The following LIPA variants were observed in gnomAD, a reference collection of about 807,000 sequenced individuals.
LIPA encodes lysosomal acid lipase/cholesteryl ester hydrolase.
A neutral mutation model predicts 40.6 loss-of-function variants in LIPA; 26 were observed. The observed-to-expected ratio is 0.64, with a 90% CI of 0.47 to 0.89. The LOEUF (loss-of-function observed/expected upper bound fraction) is 0.89. LIPA is among the 40% of genes least tolerant of loss of function. LIPA has a pLI of 0.00. For missense variants in LIPA, 455 were observed against 479.6 expected (o/e 0.95, Z 0.48); for synonymous variants, 188 against 168.4 (o/e 1.12, Z -0.90).
At chr10:89,299,090 C>G (rs1461799417) in intron 1 of LIPA, among the ~76,000 whole-genome samples, 2 of 151,426 alleles carry the variant, frequency 1.3e-5, no homozygotes, top group Non-Finnish European at 2.9e-5. Context: ...AAACAATACA[C>G]AGAAATCGGA....
chr10:89,402,371 G>C, intron 2 of LIPA: 1 of 1,614,120 alleles, frequency 6.2e-7, no homozygotes, highest in Admixed American at 1.7e-5. Context: ...ACGATGAAAT[G>C]CCTGATTTAG....
At chr10:89,336,831 A>G (rs903826818) in intron 1 of LIPA, among the ~76,000 whole-genome samples, 6 of 152,188 alleles carry the variant, frequency 3.9e-5, no homozygotes, top group African/African-American at 1.4e-4. Context: ...GTTCTTTCCA[A>G]TCTTATGGTG....
intron 1 of LIPA, among the ~76,000 whole-genome samples, chr10:89,285,433 C>G (rs1843336194): frequency 6.6e-6 from 1 of 152,172 alleles, no homozygotes; most frequent in Admixed American, 6.5e-5. Flanking sequence ...ACTCAAAACT[C>G]CAGTGCTGGT....
chr10:89,233,177 C>T (rs1244780612), intron 3 of LIPA, among the ~76,000 whole-genome samples: 1 of 152,166 alleles, frequency 6.6e-6, no homozygotes, highest in Non-Finnish European at 1.5e-5. Flanking sequence ...AAGCTGAATA[C>T]AAAAGCTCAA....
rs569189256 is a variant in LIPA, at chr10:89,335,377, T to C, written c.-2+7234A>G. The C allele has an allele frequency of 1.2e-4, 18 of 152,196 alleles. No homozygotes were observed. The South Asian group carries it at 3.5e-3, about 30-fold the overall frequency. 9.4% of individuals were successfully genotyped at this position (152,196 alleles called of 1,614,324 possible). On this transcript the variant is annotated intron_variant, in intron 1 of 5. Coordinates refer to the LIPA transcript ENST00000282673. ...CAAGTCCAGAAATGTTCAGTGTGCT[T>C]TTCTGCTTGTCCAACACTTTCTTGA...
intron 1 of LIPA, among the ~76,000 whole-genome samples, chr10:89,303,723 C>G (rs1843460367): frequency 6.6e-6 from 1 of 152,210 alleles, no homozygotes; most frequent in Non-Finnish European, 1.5e-5. Context: ...TATTTACTCT[C>G]TCTGTTTCTT....
intron 2 of LIPA, among the ~76,000 whole-genome samples, chr10:89,394,607 TATATATATATATATATATATAA>T (rs1460448076): frequency 0.21 from 6,388 of 30,222 alleles, 475 homozygotes; most frequent in East Asian, 0.41. Flanking sequence ...TATATATATA[TATATATATATATATATATATAA>T]AACTTGAATT....
chr10:89,323,309 C>T (rs1476168418), intron 1 of LIPA, among the ~76,000 whole-genome samples: 3 of 152,218 alleles, frequency 2.0e-5, no homozygotes, highest in African/African-American at 7.2e-5. Context: ...TAAGAGCCAT[C>T]TATGATAAAC....
intron 2 of LIPA, among the ~76,000 whole-genome samples, chr10:89,368,296 A>C (rs1844072753): frequency 6.6e-6 from 1 of 152,216 alleles, no homozygotes; most frequent in African/African-American, 2.4e-5. Flanking sequence ...CTCTGGCTAC[A>C]CTTCTATGTA....
At chr10:89,391,946 T>G (rs1244804830) in intron 2 of LIPA, among the ~76,000 whole-genome samples, 1 of 152,182 alleles carries the variant, frequency 6.6e-6, no homozygotes, top group Non-Finnish European at 1.5e-5. Flanking sequence ...CCATGAACTG[T>G]AGTGGAGGTT....
intron 2 of LIPA, chr10:89,383,825 A>G: frequency 6.2e-7 from 1 of 1,614,214 alleles, no homozygotes. Context: ...CTGGAAGGGA[A>G]CCCTGAAAAC....
intron 3 of LIPA, 30 bp from the exon 4 acceptor site, chr10:89,228,428 T>C (rs773691409): frequency 1.1e-5 from 18 of 1,574,904 alleles, no homozygotes; most frequent in Middle Eastern, 3.3e-4. Context: ...TAGGAGGCAG[T>C]AGCACCAAGC....
intron 1 of LIPA, chr10:89,327,961 C>T: frequency 9.2e-7 from 1 of 1,082,130 alleles, no homozygotes; most frequent in African/African-American, 1.6e-5. Context: ...CCTACTCTCC[C>T]ACCCCTTTAT....
chr10:89,363,792 A>AAAAAAG (rs1589622422), intron 2 of LIPA, among the ~76,000 whole-genome samples: 1 of 136,956 alleles, frequency 7.3e-6, no homozygotes, highest in East Asian at 2.5e-4. Context: ...AAAAAAAAAA[A>AAAAAAG]GCGAGGGGGG....
At chr10:89,297,533 G>A (rs755894205) in intron 1 of LIPA, among the ~76,000 whole-genome samples, 2 of 152,120 alleles carry the variant, frequency 1.3e-5, no homozygotes, top group Non-Finnish European at 2.9e-5. Flanking sequence ...TACAGTGTCC[G>A]CAGCACCCCA....
chr10:89,347,828 T>C (rs1843932881), intron 2 of LIPA, among the ~76,000 whole-genome samples: 1 of 152,178 alleles, frequency 6.6e-6, no homozygotes, highest in African/African-American at 2.4e-5. Context: ...CTTCCTGGGC[T>C]GAGACAGTGT....
chr10:89,338,362 TA>T (rs1475761564), intron 1 of LIPA: 1 of 288,834 alleles, frequency 3.5e-6, no homozygotes, highest in African/African-American at 2.1e-5. Context: ...ACCAATGTCC[TA>T]GCTCAAGCAG....
upstream of LIPA, among the ~76,000 whole-genome samples, chr10:89,342,864 A>T (rs1056355067): frequency 5.9e-5 from 9 of 152,228 alleles, no homozygotes; most frequent in African/African-American, 2.2e-4. Flanking sequence ...CTGCTTTTGT[A>T]ATCTTGTCAT....
Position 89,245,784 on chromosome 10 carries a change from T to G in LIPA, c.121A>C (p.Ile41Leu). The G allele has an allele frequency of 6.6e-7, 1 of 1,525,490 alleles. No homozygotes were observed. Among genetic ancestry groups the G allele is most frequent in the African/African-American group, 1.4e-5 (1 of 73,372 alleles). 94.5% of individuals were successfully genotyped at this position (1,525,490 alleles called of 1,614,324 possible). A position where few individuals can be genotyped will look rare whatever the true frequency, so the allele number is the denominator to read the frequency against. The change falls in exon 3 of 10, where the codon ATC becomes CTC. Residue 41 changes from isoleucine to leucine, a missense_variant. Ile to Leu is a conservative substitution (Grantham distance 5). Transcript: ENST00000336233. ...PETNMNVSEIISYWGFPSEEY... is the reference protein window; with the variant it reads ...PETNMNVSEILSYWGFPSEEY... Reference sequence around the variant, plus strand: ...TCACTAGGGAATCCCCAGTAAGAGATAATTTCACTCTGTAGAGAAAAAGGA... The same window carrying G: ...TCACTAGGGAATCCCCAGTAAGAGAGAATTTCACTCTGTAGAGAAAAAGGA...
Sources: gnomAD v4.1 joint callset for allele counts (sites outside exome capture counted in the v4.1 genomes callset) on GRCh38, gnomAD v4.1.1 for gene constraint, MANE v1.5 for transcripts, NCBI Gene and HGNC (gene_info 2026-07-23, HGNC 2026-07-21) for gene names.